The following FAM222B variants were observed in gnomAD, a reference collection of about 807,000 sequenced individuals.
FAM222B encodes the protein protein FAM222B.
Under a neutral mutation model 38.0 loss-of-function variants are expected in FAM222B, and 12 were observed. That is an observed-to-expected ratio of 0.32 (90% CI 0.20 to 0.51). FAM222B has a LOEUF of 0.51. Ranked by LOEUF, FAM222B falls within the 20% of genes least tolerant of loss-of-function variation. The probability of loss-of-function intolerance (pLI) is 0.97; values close to 1 mark genes in which losing one functional copy is unlikely to be tolerated. For synonymous variants in FAM222B, 329 were observed against 317.2 expected, an observed-to-expected ratio of 1.04 and a Z score of -0.40; for missense variants, 716 against 754.2, an observed-to-expected ratio of 0.95 and a Z score of 0.59.
intron 1 of FAM222B, among the ~76,000 whole-genome samples, chr17:28,768,838 A>C (rs1312376408): frequency 5.6e-5 from 2 of 35,546 alleles, no homozygotes; most frequent in African/African-American, 1.0e-4. Context: ...CTCTGTCTCA[A>C]AAAAAAAAAA....
At chr17:28,816,169 C>T (rs1010555477) in intron 1 of FAM222B, among the ~76,000 whole-genome samples, 1 of 151,174 alleles carries the variant, frequency 6.6e-6, no homozygotes. Context: ...CCCAGCTACT[C>T]GGGAGGCTGG....
intron 1 of FAM222B, among the ~76,000 whole-genome samples, chr17:28,825,000 G>C (rs1472069138): frequency 1.3e-5 from 2 of 152,064 alleles, no homozygotes; most frequent in Non-Finnish European, 2.9e-5. Context: ...CCTGACCTCG[G>C]TGATCCGCCC....
intron 1 of FAM222B, among the ~76,000 whole-genome samples, chr17:28,820,793 C>G (rs928361683): frequency 6.6e-6 from 1 of 151,958 alleles, no homozygotes; most frequent in Non-Finnish European, 1.5e-5. Context: ...GCCACCACGC[C>G]CAGCTAATTT....
At chr17:28,821,503 C>G (rs1357080878) in intron 1 of FAM222B, among the ~76,000 whole-genome samples, 1 of 152,192 alleles carries the variant, frequency 6.6e-6, no homozygotes, top group Non-Finnish European at 1.5e-5. Context: ...CCTCATTTGA[C>G]AGCTGAGAAA....
chr17:28,764,759 A>T (rs1481360511), intron 2 of FAM222B, among the ~76,000 whole-genome samples: 5 of 150,276 alleles, frequency 3.3e-5, no homozygotes, highest in Admixed American at 6.6e-5. Flanking sequence ...AAAAATAATT[A>T]AAAAAAAAAT....
chr17:28,770,640 G>A (rs555664881), intron 1 of FAM222B, among the ~76,000 whole-genome samples: 68 of 151,000 alleles, frequency 4.5e-4, no homozygotes, highest in African/African-American at 1.6e-3. Context: ...GCGCCTTCTC[G>A]GCGGCTACAA....
intron 1 of FAM222B, among the ~76,000 whole-genome samples, chr17:28,767,881 T>C (rs1490843050): frequency 3.9e-5 from 6 of 152,208 alleles, no homozygotes; most frequent in Non-Finnish European, 7.3e-5. Flanking sequence ...CTTCCTGACA[T>C]GCAATTAGAC....
At position 28,836,857 on chromosome 17, in the gene FAM222B, T is replaced by C. The variant is rs114553961; in HGVS notation, c.-41+5825A>G. On this transcript the variant is annotated intron_variant, in intron 1 of 2. Transcript: ENST00000581407. ...AGGCAGATATTGGGCATAAGACCCA[T>C]ATTGGGCATAAGAGGGGTGGGCTCC... Among the ~76,000 whole-genome samples, 582 of 152,162 alleles carry C rather than the reference T, an allele frequency of 3.8e-3. 4 individuals are homozygous for C. Among genetic ancestry groups the C allele is most frequent in the African/African-American group, 0.014 (564 of 41,512 alleles).
intron 1 of FAM222B, among the ~76,000 whole-genome samples, chr17:28,839,524 C>T (rs2038961838): frequency 6.6e-6 from 1 of 152,014 alleles, no homozygotes. Flanking sequence ...CATTTATGCG[C>T]TTATTTGAAC....
chr17:28,803,887 C>G (rs1418507979), intron 1 of FAM222B, among the ~76,000 whole-genome samples: 1 of 151,674 alleles, frequency 6.6e-6, no homozygotes, highest in Admixed American at 6.6e-5. Flanking sequence ...GAGGCTGAGG[C>G]AGAGAACTTT....
chr17:28,819,624 CAATAT>C (rs1482461680), intron 1 of FAM222B, among the ~76,000 whole-genome samples: 1 of 152,006 alleles, frequency 6.6e-6, no homozygotes, highest in Non-Finnish European at 1.5e-5. Flanking sequence ...GGAAACTATT[CAATAT>C]AATGGATACA....
chr17:28,786,310 A>T (rs1443060793), intron 1 of FAM222B, among the ~76,000 whole-genome samples: 1 of 152,230 alleles, frequency 6.6e-6, no homozygotes, highest in East Asian at 1.9e-4. Context: ...TAAGACAGCA[A>T]CTATAAGCAA....
intron 1 of FAM222B, among the ~76,000 whole-genome samples, chr17:28,840,602 G>C (rs2152629881): frequency 1.3e-5 from 2 of 152,192 alleles, no homozygotes; most frequent in East Asian, 3.9e-4. Context: ...CTCCAAAACA[G>C]CGACAGGTCC....
At chr17:28,814,770 CTTT>C (rs35921944) in intron 1 of FAM222B, among the ~76,000 whole-genome samples, 3 of 117,584 alleles carry the variant, frequency 2.6e-5, no homozygotes. Context: ...CCAGGCCGAT[CTTT>C]TTTTTTTTTT....
At chr17:28,791,205 G>T (rs1233979986) in intron 1 of FAM222B, among the ~76,000 whole-genome samples, 2 of 151,778 alleles carry the variant, frequency 1.3e-5, no homozygotes, top group East Asian at 3.9e-4. Flanking sequence ...CACTGTGCCT[G>T]GACAAATTTT....
intron 2 of FAM222B, among the ~76,000 whole-genome samples, chr17:28,765,701 G>C (rs773621837): frequency 6.6e-6 from 1 of 152,172 alleles, no homozygotes; most frequent in Non-Finnish European, 1.5e-5. Context: ...GGGAAAATAT[G>C]AAGTATAAAA....
intron 1 of FAM222B, among the ~76,000 whole-genome samples, chr17:28,806,133 CAA>C (rs2037487925): frequency 6.6e-6 from 1 of 150,804 alleles, no homozygotes; most frequent in Non-Finnish European, 1.5e-5. Context: ...ACCTAGGCAA[CAA>C]GAGTGAAACT....
At position 28,830,161 on chromosome 17, in the gene FAM222B, C is replaced by CT. The variant is rs58480451; in HGVS notation, c.-41+12520dup. Among the ~76,000 whole-genome samples the CT allele has an allele frequency of 3.1e-3, 312 of 101,498 alleles. 4 individuals are homozygous for CT. Among genetic ancestry groups the CT allele is most frequent in the East Asian group, 0.029 (105 of 3,640 alleles). The allele number at this position is 101,498 out of a possible 152,430, so 66.6% of individuals were successfully genotyped here. ...ACTTCGCCCAGCCTCTTTATACATT[C>CT]TTTTTTTTTTTTTTTTTTGAGAGCG... On this transcript the variant is annotated intron_variant, in intron 1 of 2. Transcript: ENST00000581407.
chr17:28,761,735 G>T (rs2035081515), intron 2 of FAM222B, among the ~76,000 whole-genome samples: 1 of 152,122 alleles, frequency 6.6e-6, no homozygotes, highest in East Asian at 1.9e-4. Flanking sequence ...AAAGAGCCAG[G>T]CATCCCCACC....
Sources: allele counts gnomAD v4.1 joint callset (sites outside exome capture counted in the v4.1 genomes callset), GRCh38; gene constraint gnomAD v4.1.1; transcripts MANE v1.5; gene names NCBI Gene and HGNC (gene_info 2026-07-23, HGNC 2026-07-21).